The following RBFOX1 variants were observed in gnomAD, a reference collection of about 807,000 sequenced individuals.
RBFOX1 encodes RNA binding fox-1 homolog 1, also known as RNA binding protein fox-1 homolog 1.
A neutral mutation model predicts 57.7 loss-of-function variants in RBFOX1; 8 were observed. The ratio of observed to expected loss-of-function variants is 0.14; its 90% CI spans 0.08 to 0.25. The LOEUF (loss-of-function observed/expected upper bound fraction) is 0.25, where lower values mean the gene tolerates loss of function less well. Ranked by LOEUF, RBFOX1 falls within the 10% of genes least tolerant of loss-of-function variation. RBFOX1 has a pLI of 1.00. For synonymous variants in RBFOX1, 326 were observed against 222.4 expected (o/e 1.47, Z -4.15); for missense variants, 611 against 548.5 (o/e 1.11, Z -1.14).
chr16:7,474,410 G>T (rs532954241), intron 4 of RBFOX1, among the ~76,000 whole-genome samples: 7 of 152,168 alleles, frequency 4.6e-5, no homozygotes, highest in Non-Finnish European at 8.8e-5. Flanking sequence ...TCACTGTGAA[G>T]GTCATGTATT....
chr16:5,417,877 T>C (rs542039088), intron 1 of RBFOX1, among the ~76,000 whole-genome samples: 2 of 152,146 alleles, frequency 1.3e-5, no homozygotes, highest in Admixed American at 6.5e-5. Flanking sequence ...GGTCAGGAGT[T>C]TGAGATCATC....
intron 2 of RBFOX1, among the ~76,000 whole-genome samples, chr16:6,513,631 G>A (rs138387608): frequency 6.6e-6 from 1 of 152,188 alleles, no homozygotes; most frequent in South Asian, 2.1e-4. Flanking sequence ...CTATTCGGGA[G>A]GCCGAGGCAG....
intron 4 of RBFOX1, among the ~76,000 whole-genome samples, chr16:7,143,315 T>C (rs6500919): frequency 0.75 from 114,058 of 151,826 alleles, 42,964 homozygotes; most frequent in Middle Eastern, 0.8. Flanking sequence ...CTCCACCGCA[T>C]TCCCGACCCA....
intron 10 of RBFOX1, among the ~76,000 whole-genome samples, chr16:7,612,122 C>A (rs982000219): frequency 1.3e-5 from 2 of 151,840 alleles, no homozygotes; most frequent in Non-Finnish European, 2.9e-5. Flanking sequence ...GGGATTGAGA[C>A]CATCCTGGCT....
intron 3 of RBFOX1, among the ~76,000 whole-genome samples, chr16:6,872,390 C>T (rs972147544): frequency 6.6e-6 from 1 of 152,032 alleles, no homozygotes; most frequent in Non-Finnish European, 1.5e-5. Context: ...TTTACTATGA[C>T]CATAGCTCTT....
chr16:7,268,888 T>C (rs1473024736), intron 4 of RBFOX1, among the ~76,000 whole-genome samples: 1 of 151,588 alleles, frequency 6.6e-6, no homozygotes, highest in East Asian at 1.9e-4. Context: ...AATACAAAAA[T>C]TAGCCAAGCG....
chr16:6,637,487 A>G (rs1488215812), intron 2 of RBFOX1, among the ~76,000 whole-genome samples: 2 of 48,158 alleles, frequency 4.2e-5, no homozygotes, highest in South Asian at 1.7e-3. Context: ...ATAATATCCT[A>G]TATATTATAT....
intron 1 of RBFOX1, among the ~76,000 whole-genome samples, chr16:6,144,702 G>A (rs1458915194): frequency 1.3e-5 from 2 of 152,250 alleles, no homozygotes; most frequent in South Asian, 2.1e-4. Context: ...ATGAGCAGGG[G>A]CCAGATAGGT....
intron 3 of RBFOX1, among the ~76,000 whole-genome samples, chr16:5,686,287 T>A (rs937924384): frequency 3.9e-5 from 6 of 152,174 alleles, no homozygotes; most frequent in African/African-American, 9.6e-5. Flanking sequence ...GGAGGATGTT[T>A]AGTAATATCC....
At chr16:7,354,118 C>A (rs1049558362) in intron 4 of RBFOX1, among the ~76,000 whole-genome samples, 1 of 151,972 alleles carries the variant, frequency 6.6e-6, no homozygotes, top group African/African-American at 2.4e-5. Context: ...ATTACAGGAT[C>A]TGCCACCACG....
At chr16:6,003,293 A>G (rs2060633544) in intron 4 of RBFOX1, among the ~76,000 whole-genome samples, 1 of 151,638 alleles carries the variant, frequency 6.6e-6, no homozygotes, top group Non-Finnish European at 1.5e-5. Flanking sequence ...AAAAAAAAAA[A>G]AAAAAGCAAT....
At chr16:5,435,087 A>G (rs1355246518) in intron 1 of RBFOX1, among the ~76,000 whole-genome samples, 1 of 152,228 alleles carries the variant, frequency 6.6e-6, no homozygotes, top group Non-Finnish European at 1.5e-5. Flanking sequence ...TGTAGAATAA[A>G]TAATGCAGTT....
intron 4 of RBFOX1, among the ~76,000 whole-genome samples, chr16:7,133,587 G>A (rs1018298943): frequency 6.6e-6 from 1 of 152,134 alleles, no homozygotes; most frequent in Non-Finnish European, 1.5e-5. Flanking sequence ...ATACACACAT[G>A]ATTAATACCA....
intron 3 of RBFOX1, among the ~76,000 whole-genome samples, chr16:6,742,646 C>T (rs1431503040): frequency 6.6e-6 from 1 of 152,144 alleles, no homozygotes; most frequent in African/African-American, 2.4e-5. Flanking sequence ...AACTACTATT[C>T]AGCAATAAAA....
intron 2 of RBFOX1, among the ~76,000 whole-genome samples, chr16:6,619,624 C>T (rs530599502): frequency 8.0e-5 from 12 of 150,452 alleles, no homozygotes; most frequent in Non-Finnish European, 1.3e-4. Context: ...TTTTGGTGTG[C>T]GTAAACCTGT....
chr16:5,484,616 A>G (rs1054531424), intron 2 of RBFOX1, among the ~76,000 whole-genome samples: 3 of 152,128 alleles, frequency 2.0e-5, no homozygotes, highest in Non-Finnish European at 4.4e-5. Flanking sequence ...TGTCTGTACA[A>G]AAAATTTTTA....
intron 3 of RBFOX1, among the ~76,000 whole-genome samples, chr16:7,000,723 G>C (rs779069191): frequency 6.8e-6 from 1 of 147,838 alleles, no homozygotes; most frequent in African/African-American, 2.5e-5. Flanking sequence ...TCCTGCCTCA[G>C]CCTCCCAAGT....
In RBFOX1 at chr16:7,305,393, G is replaced by C. The variant is rs112256069; in HGVS notation, c.28-212754G>C. ...GTGACAGGCCAGCTCTCTGTCATTG[G>C]GCAGGGGCAGTGGATGTGAACTGAA... is the stretch of plus-strand genomic sequence containing the variant. On this transcript the variant is annotated intron_variant, in intron 4 of 15. Transcript: ENST00000550418. Among the ~76,000 whole-genome samples, 554 of 152,226 alleles carry C rather than the reference G, an allele frequency of 3.6e-3. 5 individuals carry two copies. Among genetic ancestry groups the C allele is most frequent in the African/African-American group, 0.013 (527 of 41,542 alleles).
chr16:7,041,248 T>C lies in RBFOX1; in HGVS notation c.-15-10809T>C, dbSNP rs544363826. On this transcript the variant is annotated intron_variant, in intron 3 of 15. Coordinates refer to ENST00000550418, the MANE Select transcript of RBFOX1 (RefSeq NM_018723.4). ...CACATCCAACCCTGTAAATAAAATT[T>C]TATTGGAACACAGTGGCACCCATTT... Among the ~76,000 whole-genome samples the C allele has an allele frequency of 3.8e-4, 58 of 152,086 alleles. 1 individual carries two copies. In the South Asian group the frequency reaches 0.011, roughly 29 times the overall value.
Sources: allele counts gnomAD v4.1 joint callset (sites outside exome capture counted in the v4.1 genomes callset), GRCh38; gene constraint gnomAD v4.1.1; transcripts MANE v1.5; gene names NCBI Gene and HGNC (gene_info 2026-07-23, HGNC 2026-07-21).